Variants in TRIP10 observed in about 807,000 individuals in gnomAD.
TRIP10 encodes thyroid hormone receptor interactor 10, also known as cdc42-interacting protein 4.
In TRIP10, 54 loss-of-function variants were observed where a neutral mutation model predicts 80.9. The observed-to-expected ratio is 0.67, with a 90% CI of 0.54 to 0.84. The LOEUF is 0.84. Among genes scored for constraint, TRIP10 ranks in the 40% least tolerant of loss-of-function variants. TRIP10 has a pLI of 0.00. For synonymous variants in TRIP10, 321 were observed against 307.2 expected (o/e 1.04, Z -0.47); for missense variants, 773 against 815.3 (o/e 0.95, Z 0.63).
rs759063843 is a variant in TRIP10 at position 6,739,792 on chromosome 19, C to G, written c.24+7C>G. 5 of 1,463,728 alleles carry G rather than the reference C, an allele frequency of 3.4e-6. No homozygotes were observed. The South Asian group carries it at 5.8e-5, about 17-fold the overall frequency. The allele number at this position is 1,463,728 out of a possible 1,614,324, so 90.7% of individuals were successfully genotyped here. A position where few individuals can be genotyped will look rare whatever the true frequency, so the allele number is the denominator to read the frequency against. On this transcript the variant is annotated splice_region_variant and intron_variant, in intron 1 of 14. Coordinates refer to ENST00000313244, the MANE Select transcript of TRIP10 (RefSeq NM_001288962.2). ...TTGGGGCACTGAGCTGTGGGTAAGT[C>G]CAATCGGCCCGCCTCTAAGTTCCCC...
chr19:6,742,754 C>T (rs1968958084), intron 3 of TRIP10, among the ~76,000 whole-genome samples: 1 of 146,198 alleles, frequency 6.8e-6, no homozygotes, highest in Admixed American at 7.0e-5. Flanking sequence ...TGCACTGCAG[C>T]CTGGGTGACA....
In TRIP10 at chr19:6,743,697, G is replaced by C; in HGVS notation, c.514-11G>C. On this transcript the variant is annotated splice_polypyrimidine_tract_variant and intron_variant, in intron 6 of 14. Coordinates refer to ENST00000313244, the MANE Select transcript of TRIP10 (RefSeq NM_001288962.2). ...GAACCTGGCAGTACCTTCCACCTCT[G>C]CATTCTTCAGGCCAAGCAGCAAGCC... is the stretch of plus-strand genomic sequence containing the variant. The C allele has an allele frequency of 6.2e-7, 1 of 1,613,704 alleles. No individual in the cohort carries two copies. Among genetic ancestry groups the C allele is most frequent in the East Asian group, 2.2e-5 (1 of 44,868 alleles).
intron 11 of TRIP10, chr19:6,749,017 AT>A (rs1442098667): frequency 4.6e-5 from 7 of 152,334 alleles, no homozygotes; most frequent in African/African-American, 1.7e-4. Flanking sequence ...GAGAGATTGT[AT>A]GCAGACTTAA....
At chr19:6,747,470 G>C (rs1485648331) in intron 11 of TRIP10, among the ~76,000 whole-genome samples, 1 of 152,072 alleles carries the variant, frequency 6.6e-6, no homozygotes, top group Admixed American at 6.6e-5. Context: ...AAAATTAAGG[G>C]CTCATTTTAC....
intron 11 of TRIP10, among the ~76,000 whole-genome samples, chr19:6,747,830 C>T (rs1969183019): frequency 6.6e-6 from 1 of 151,442 alleles, no homozygotes; most frequent in Non-Finnish European, 1.5e-5. Context: ...ATTAGCCGAG[C>T]ACAGTGGCTC....
Position 6,744,652 on chromosome 19 carries a change from G to C in TRIP10, c.741G>C (p.Lys247Asn). 6.2e-7 allele frequency: 1 copy of C among 1,612,642 alleles called. No homozygotes were observed. The highest frequency in any genetic ancestry group is 8.5e-7 in the Non-Finnish European group (1 of 1,179,310). ...TGGAGGTGGTGCCCATAATAGCCAA[G>C]TGCTTGGAGGGCATGAAGGTGGCTG... ...AELEVVPIIA[K>N]CLEGMKVAAN... The change falls in exon 8 of 15, where the codon AAG (lysine) becomes AAC (asparagine). Residue 247 changes from lysine to asparagine, a missense_variant. Physicochemically the swap from Lys to Asn is moderately conservative, Grantham distance 94. Coordinates refer to ENST00000313244, the MANE Select transcript of TRIP10 (RefSeq NM_001288962.2). This position sits in a 1 kb window ranked among gnomAD's most constrained non-coding sequence, Gnocchi z 4.9.
In TRIP10 at chr19:6,744,888, G is replaced by A. The variant is rs761344573; in HGVS notation, c.878G>A (p.Arg293His). ...EFEDFSQPMNRAPSDSSLGTP... is the reference protein window; with the variant it reads ...EFEDFSQPMNHAPSDSSLGTP... ...GAGGACTTCAGCCAGCCCATGAACC[G>A]TGCACCCTCCGACAGCAGTCTGGGC... is the stretch of plus-strand genomic sequence containing the variant. Residue 293 changes from arginine (R) to histidine (H), a missense_variant, in exon 9 of 15, where the codon CGT becomes CAT. Arg to His is a conservative substitution (Grantham distance 29, BLOSUM62 0). Transcript: ENST00000313244. This position sits in a 1 kb window ranked among gnomAD's most constrained non-coding sequence, Gnocchi z 4.9. 4.3e-6 allele frequency: 7 copies of A among 1,614,116 alleles called. No individual in the cohort carries two copies. The highest frequency in any genetic ancestry group is 2.2e-5 in the East Asian group (1 of 44,896).
At chr19:6,749,841 A>G (rs1309248374) in intron 11 of TRIP10, 93 bp from the exon 12 acceptor site, 1 of 1,513,484 alleles carries the variant, frequency 6.6e-7, no homozygotes, top group Non-Finnish European at 8.9e-7. Flanking sequence ...AAGAGTCAGA[A>G]TGAGACCCTG....
chr19:6,742,639 A>G (rs1035135069), intron 3 of TRIP10, among the ~76,000 whole-genome samples: 1 of 151,824 alleles, frequency 6.6e-6, no homozygotes, highest in Admixed American at 6.6e-5. Context: ...AAAATTAGCC[A>G]GGTGTGGTGG....
chr19:6,745,365 G>C lies in TRIP10; in HGVS notation c.984+371G>C, dbSNP rs138191126. 2.0e-3 allele frequency among the ~76,000 whole-genome samples: 297 copies of C among 152,272 alleles called. No homozygotes were observed. Among genetic ancestry groups the C allele is most frequent in the Admixed American group, 4.7e-3 (72 of 15,290 alleles). ...CTCTGGGAGCCGCCCTGCATGTCTT[G>C]CTTTCTTGGGTTTTTGGATTTTAAT... is the stretch of plus-strand genomic sequence containing the variant. On this transcript the variant is annotated intron_variant, in intron 9 of 14. Transcript: ENST00000313244. The surrounding 1 kb of genome is among the most constrained non-coding windows in gnomAD (Gnocchi z 7.2).
chr19:6,751,485 A>AAG lies in TRIP10; in HGVS notation c.*275_*276insGA, dbSNP rs1491269507. ...CCATTTTGTTTTATACAAAAATGGG[A>AAG]AAAAAAAAAAAGAAATTATATAAAG... On this transcript the variant is annotated 3_prime_UTR_variant, in exon 15 of 15. Transcript: ENST00000313244. The AAG allele has an allele frequency of 9.6e-5, 29 of 301,254 alleles. No homozygotes were observed. Among genetic ancestry groups the AAG allele is most frequent in the African/African-American group, 1.3e-4 (5 of 38,982 alleles). The allele number at this position is 301,254 out of a possible 1,614,324, so 18.7% of individuals were successfully genotyped here.
In TRIP10 at chr19:6,744,853, C is replaced by T. The variant is rs762060536; in HGVS notation, c.843C>T (p.Asp281=). Residue 281 remains aspartate (D), a synonymous_variant, in exon 9 of 15, where the codon GAC becomes GAT. Transcript: ENST00000313244. The surrounding 1 kb of genome is among the most constrained non-coding windows in gnomAD (Gnocchi z 4.9). The part of the protein sequence containing the change: ...LHKSGFARPG[D]VEFEDFSQPM... ...AGTCAGGTTTTGCCCGCCCGGGCGA[C>T]GTGGAATTCGAGGACTTCAGCCAGC... The T allele has an allele frequency of 3.7e-5, 59 of 1,614,116 alleles. No homozygotes were observed. Among genetic ancestry groups the T allele is most frequent in the South Asian group, 5.5e-5 (5 of 91,088 alleles).
chr19:6,751,387 C>T lies in TRIP10; in HGVS notation c.*176C>T. 7.4e-7 allele frequency: 1 copy of T among 1,352,614 alleles called. No homozygotes were observed. The highest frequency in any genetic ancestry group is 9.6e-7 in the Non-Finnish European group (1 of 1,038,290). The allele number at this position is 1,352,614 out of a possible 1,614,324, so 83.8% of individuals were successfully genotyped here. A position where few individuals can be genotyped will look rare whatever the true frequency, so the allele number is the denominator to read the frequency against. ...TGTCACACCGGACGGACCCGCTGTG[C>T]CTTCTACCATCGTTCCACCATTGAT... On this transcript the variant is annotated 3_prime_UTR_variant, in exon 15 of 15. Transcript: ENST00000313244.
Position 6,745,027 on chromosome 19 carries a change from G to A in TRIP10, c.984+33G>A. ...CCGGGACCCTTGGGATGGTGGGGGAGAAGGACAGTGAAGTGGGGACAGTGG... is the reference window on the plus strand; with the variant it reads ...CCGGGACCCTTGGGATGGTGGGGGAAAAGGACAGTGAAGTGGGGACAGTGG... On this transcript the variant is annotated intron_variant, in intron 9 of 14. Coordinates refer to ENST00000313244, the MANE Select transcript of TRIP10 (RefSeq NM_001288962.2). This position sits in a 1 kb window ranked among gnomAD's most constrained non-coding sequence, Gnocchi z 7.2. 1 of 1,600,130 alleles carries A rather than the reference G, an allele frequency of 6.2e-7. No homozygotes were observed. The highest frequency in any genetic ancestry group is 1.1e-5 in the South Asian group (1 of 89,264).
intron 6 of TRIP10, 27 bp downstream of exon 6, chr19:6,743,625 G>GGGGGGGGT: frequency 7.7e-7 from 1 of 1,295,430 alleles, no homozygotes; most frequent in South Asian, 1.2e-5. Flanking sequence ...CGGGGGGGGG[G>GGGGGGGGT]TGCGGGGTCT....
In TRIP10 at chr19:6,745,150, C is replaced by CG. The variant is rs1969075215; in HGVS notation, c.984+157dup. On this transcript the variant is annotated intron_variant, in intron 9 of 14. Transcript: ENST00000313244. The surrounding 1 kb of genome is among the most constrained non-coding windows in gnomAD (Gnocchi z 7.2). ...CCGGACTGGAGGGAAGGAAGGCGGC[C>CG]GATTGGCCTGGGAGTCCCCCGAGGC... 3 of 1,114,280 alleles carry CG rather than the reference C, an allele frequency of 2.7e-6. No individual in the cohort carries two copies. Among genetic ancestry groups the CG allele is most frequent in the African/African-American group, 3.2e-5 (2 of 62,934 alleles). 69.0% of individuals were successfully genotyped at this position (1,114,280 alleles called of 1,614,324 possible).
In TRIP10 at chr19:6,744,554, A is replaced by G. The variant is rs776455345; in HGVS notation, c.643A>G (p.Lys215Glu). The change falls in exon 8 of 15, where the codon AAG (lysine) becomes GAG (glutamate). Residue 215 changes from lysine to glutamate, a missense_variant and splice_region_variant. Transcript: ENST00000313244. The surrounding 1 kb of genome is among the most constrained non-coding windows in gnomAD (Gnocchi z 4.9). Reference sequence around the variant, plus strand: ...GCCACCCTTGTCCCTGTCCTTACAGAAGCTCCAAGACATGGATGAACGCAG... The same window carrying G: ...GCCACCCTTGTCCCTGTCCTTACAGGAGCTCCAAGACATGGATGAACGCAG... ...YFSQMPQIFD[K>E]LQDMDERRAT... The G allele has an allele frequency of 1.1e-5, 17 of 1,613,952 alleles. No homozygotes were observed. Among genetic ancestry groups the G allele is most frequent in the Admixed American group, 1.7e-5 (1 of 60,006 alleles).
intron 11 of TRIP10, chr19:6,748,875 T>G (rs906162688): frequency 6.6e-6 from 1 of 152,186 alleles, no homozygotes; most frequent in African/African-American, 2.4e-5. Flanking sequence ...TGACTACCTG[T>G]ATATATAGAC....
Position 6,746,018 on chromosome 19 carries a change from C to T in TRIP10, c.985-11C>T. 2 of 1,075,448 alleles carry T rather than the reference C, an allele frequency of 1.9e-6. No individual in the cohort carries two copies. Among genetic ancestry groups the T allele is most frequent in the Non-Finnish European group, 1.2e-6 (1 of 818,142 alleles). 66.6% of individuals were successfully genotyped at this position (1,075,448 alleles called of 1,614,324 possible). On this transcript the variant is annotated splice_polypyrimidine_tract_variant and intron_variant, in intron 9 of 14. Coordinates refer to ENST00000313244, the MANE Select transcript of TRIP10 (RefSeq NM_001288962.2). This position sits in a 1 kb window ranked among gnomAD's most constrained non-coding sequence, Gnocchi z 6.2. ...CTTCAACCTATCCCCCTCCCCGGCC[C>T]CCGCCGGTAGCCTCGCCCCCCACCC...
Sources: allele counts gnomAD v4.1 joint callset (sites outside exome capture counted in the v4.1 genomes callset), GRCh38; gene constraint gnomAD v4.1.1; non-coding constraint Gnocchi (gnomAD v3.1); transcripts MANE v1.5; gene names NCBI Gene and HGNC (gene_info 2026-07-23, HGNC 2026-07-21).